The following CAPZB variants were observed in gnomAD, a reference collection of about 807,000 sequenced individuals.
CAPZB encodes capping actin protein of muscle Z-line subunit beta, also known as F-actin-capping protein subunit beta.
CAPZB carries 2 observed loss-of-function variants against 38.1 expected under a neutral mutation model. That is an observed-to-expected ratio of 0.05 (90% CI 0.02 to 0.17). CAPZB has a LOEUF of 0.17. CAPZB is among the 10% of genes least tolerant of loss of function. CAPZB has a pLI of 1.00. For missense variants in CAPZB, 161 were observed against 334.2 expected (o/e 0.48, Z 4.04); for synonymous variants, 107 against 127.4 (o/e 0.84, Z 1.08).
intron 1 of CAPZB, among the ~76,000 whole-genome samples, chr1:19,466,105 G>A (rs888828196): frequency 6.6e-6 from 1 of 152,184 alleles, no homozygotes; most frequent in South Asian, 2.1e-4. Flanking sequence ...CTTTTATTGG[G>A]ACAGAGGCGA....
At chr1:19,465,957 G>C (rs185347059) in intron 1 of CAPZB, among the ~76,000 whole-genome samples, 1 of 152,022 alleles carries the variant, frequency 6.6e-6, no homozygotes, top group Non-Finnish European at 1.5e-5. Flanking sequence ...GCCTCAAATC[G>C]ATCCTATGAC....
chr1:19,371,947 G>A (rs948776946), intron 4 of CAPZB, among the ~76,000 whole-genome samples: 2 of 152,252 alleles, frequency 1.3e-5, no homozygotes, highest in Non-Finnish European at 2.9e-5. Context: ...GGCCCAGAGA[G>A]GGGACAGGTG....
At chr1:19,382,541 G>A (rs1213303525) in intron 3 of CAPZB, among the ~76,000 whole-genome samples, 2 of 152,182 alleles carry the variant, frequency 1.3e-5, no homozygotes, top group Non-Finnish European at 2.9e-5. Flanking sequence ...AGACCTTGAA[G>A]TTTCATATCG....
chr1:19,427,974 G>A (rs1404408234), intron 1 of CAPZB, among the ~76,000 whole-genome samples: 1 of 152,176 alleles, frequency 6.6e-6, no homozygotes, highest in East Asian at 1.9e-4. Flanking sequence ...TGACCATAGA[G>A]ACAAACACAA....
At chr1:19,447,664 C>A (rs2094501226) in intron 1 of CAPZB, among the ~76,000 whole-genome samples, 1 of 152,120 alleles carries the variant, frequency 6.6e-6, no homozygotes, top group Admixed American at 6.5e-5. Flanking sequence ...CACAGATACA[C>A]CTGGGGGATG....
At chr1:19,346,338 C>T (rs2093960230) in intron 6 of CAPZB, among the ~76,000 whole-genome samples, 2 of 148,108 alleles carry the variant, frequency 1.4e-5, no homozygotes, top group African/African-American at 2.5e-5. Context: ...AATTATAATA[C>T]AAAAATGCAG....
chr1:19,485,490 C>A lies in CAPZB; in HGVS notation c.-52G>T, dbSNP rs537868097. 1.5e-5 allele frequency: 18 copies of A among 1,227,076 alleles called. No individual in the cohort carries two copies. Among genetic ancestry groups the A allele is most frequent in the African/African-American group, 9.3e-5 (6 of 64,172 alleles). 76.0% of individuals were successfully genotyped at this position (1,227,076 alleles called of 1,614,324 possible). A position where few individuals can be genotyped will look rare whatever the true frequency, so the allele number is the denominator to read the frequency against. On this transcript the variant is annotated 5_prime_UTR_variant, in exon 1 of 9. Transcript: ENST00000264202. ...TCCCGGCGTCAGTGGCTCTCCCCCC[C>A]GCAGCAGGGCCCGGCGCTTCCACTT...
chr1:19,452,166 C>G (rs941892874), intron 1 of CAPZB, among the ~76,000 whole-genome samples: 2 of 152,052 alleles, frequency 1.3e-5, no homozygotes, highest in Non-Finnish European at 2.9e-5. Flanking sequence ...CATCCCATGT[C>G]CCAGCCTGCT....
At chr1:19,411,204 CTA>C (rs3042972) in intron 2 of CAPZB, among the ~76,000 whole-genome samples, 4 of 151,836 alleles carry the variant, frequency 2.6e-5, no homozygotes, top group Admixed American at 2.6e-4. Flanking sequence ...TCTCTATTTT[CTA>C]TGTTTAATTT....
Position 19,369,762 on chromosome 1 carries a change from G to A in CAPZB, c.329+8778C>T, listed in dbSNP as rs547109623. Among the ~76,000 whole-genome samples, 257 of 152,304 alleles carry A rather than the reference G, an allele frequency of 1.7e-3. 1 individual carries two copies. The highest frequency in any genetic ancestry group is 2.6e-3 in the Non-Finnish European group (175 of 68,030). The stretch of plus-strand genomic sequence containing the variant: ...TCGCTGAAGGGACAGGGAGTGAAGG[G>A]GGATGTCCCCAACCAAACCGTCCCT... On this transcript the variant is annotated intron_variant, in intron 4 of 8. Transcript: ENST00000264202.
At chr1:19,390,261 C>T (rs759286615) in intron 2 of CAPZB, among the ~76,000 whole-genome samples, 7 of 152,176 alleles carry the variant, frequency 4.6e-5, no homozygotes, top group African/African-American at 1.2e-4. Flanking sequence ...TTAAATGAAA[C>T]GACAGGTCCA....
chr1:19,443,636 GAAAA>G (rs552768073), intron 1 of CAPZB, among the ~76,000 whole-genome samples: 1 of 151,964 alleles, frequency 6.6e-6, no homozygotes, highest in African/African-American at 2.4e-5. Context: ...GTTTTAAAAA[GAAAA>G]AAAGACAACA....
intron 2 of CAPZB, among the ~76,000 whole-genome samples, chr1:19,390,303 G>A (rs755740918): frequency 1.3e-5 from 2 of 152,252 alleles, no homozygotes; most frequent in African/African-American, 4.8e-5. Context: ...TGGGGTGCAT[G>A]TGGCACTGGC....
chr1:19,458,786 C>T (rs1010967727), intron 1 of CAPZB, among the ~76,000 whole-genome samples: 16 of 152,228 alleles, frequency 1.1e-4, no homozygotes, highest in African/African-American at 3.4e-4. Flanking sequence ...AAAAGCAGTC[C>T]TCAGAATTCT....
In CAPZB at chr1:19,353,435, G is replaced by GCCA. The variant is rs1418241860; in HGVS notation, c.588+3197_588+3199dup. 1.1e-3 allele frequency among the ~76,000 whole-genome samples: 168 copies of GCCA among 151,678 alleles called. 1 individual carries two copies. Among genetic ancestry groups the GCCA allele is most frequent in the African/African-American group, 3.7e-3 (154 of 41,316 alleles). On this transcript the variant is annotated intron_variant, in intron 6 of 8. Coordinates refer to ENST00000264202, the MANE Select transcript of CAPZB (RefSeq NM_004930.5). ...TCTTGGTCGTCCAGCCCCTGACCAC[G>GCCA]CCACGCCAGAATGCCCCCCAGCCTG... is the stretch of plus-strand genomic sequence containing the variant.
At chr1:19,346,781 T>C (rs2093963482) in intron 6 of CAPZB, among the ~76,000 whole-genome samples, 1 of 150,586 alleles carries the variant, frequency 6.6e-6, no homozygotes. Flanking sequence ...TTGAAATCCT[T>C]GACACTGGGG....
intron 4 of CAPZB, among the ~76,000 whole-genome samples, chr1:19,361,335 A>G (rs1335039369): frequency 6.6e-6 from 1 of 152,218 alleles, no homozygotes; most frequent in Non-Finnish European, 1.5e-5. Context: ...AAACACTACA[A>G]TAATTCAAGA....
chr1:19,456,408 A>T (rs574844219), intron 1 of CAPZB, among the ~76,000 whole-genome samples: 65 of 152,264 alleles, frequency 4.3e-4, no homozygotes, highest in Non-Finnish European at 6.0e-4. Context: ...CTAGTTTTTT[A>T]AAAAAATAAA....
At chr1:19,368,941 G>A (rs147636903) in intron 4 of CAPZB, among the ~76,000 whole-genome samples, 155 of 152,302 alleles carry the variant, frequency 1.0e-3, no homozygotes, top group Admixed American at 1.6e-3. Flanking sequence ...TTGACCAAGG[G>A]AGGGAGCTGG....
Sources: allele counts gnomAD v4.1 joint callset (sites outside exome capture counted in the v4.1 genomes callset), GRCh38; gene constraint gnomAD v4.1.1; transcripts MANE v1.5; gene names NCBI Gene and HGNC (gene_info 2026-07-23, HGNC 2026-07-21).